NAV2: variants seen among roughly 807,000 people sequenced by gnomAD.
NAV2 encodes helicase, APC down-regulated 1.
In NAV2, 54 loss-of-function variants were observed where a neutral mutation model predicts 223.2. The ratio of observed to expected loss-of-function variants is 0.24; its 90% confidence interval spans 0.19 to 0.30. NAV2 has a LOEUF of 0.30. NAV2 is among the 10% of genes least tolerant of loss of function. The pLI, the probability that NAV2 is intolerant of heterozygous loss-of-function variation, is 1.00. For missense variants in NAV2, 2,806 were observed against 3,147.5 expected (o/e 0.89, Z 2.60); for synonymous variants, 1,279 against 1,239.3 (o/e 1.03, Z -0.67).
intron 1 of NAV2, among the ~76,000 whole-genome samples, chr11:19,391,085 C>T (rs1849229724): frequency 6.6e-6 from 1 of 152,154 alleles, no homozygotes; most frequent in Admixed American, 6.5e-5. Context: ...CCCAGCATTT[C>T]ATGGGAGTCA....
chr11:19,983,280 C>G (rs148224618), intron 10 of NAV2, among the ~76,000 whole-genome samples: 2 of 152,270 alleles, frequency 1.3e-5, no homozygotes, highest in African/African-American at 4.8e-5. Context: ...GGTTGGTAGA[C>G]AATCAGCCAT....
intron 1 of NAV2, among the ~76,000 whole-genome samples, chr11:19,692,371 T>A (rs2049202505): frequency 6.6e-6 from 1 of 152,242 alleles, no homozygotes; most frequent in Non-Finnish European, 1.5e-5. Context: ...CAAATGTATG[T>A]TTTTGCTTGC....
chr11:19,517,968 C>G (rs77743754), intron 1 of NAV2, among the ~76,000 whole-genome samples: 3,562 of 152,356 alleles, frequency 0.023, 149 homozygotes, highest in African/African-American at 0.082. Context: ...AACAACAAAA[C>G]TGTGCTTTGT....
At chr11:19,375,214 T>G (rs565341560) in intron 1 of NAV2, among the ~76,000 whole-genome samples, 1 of 152,308 alleles carries the variant, frequency 6.6e-6, no homozygotes. Flanking sequence ...TAGCTTTGAG[T>G]AGTTACAGTC....
intron 1 of NAV2, among the ~76,000 whole-genome samples, chr11:19,426,962 C>T (rs1850855247): frequency 6.6e-6 from 1 of 152,184 alleles, no homozygotes; most frequent in African/African-American, 2.4e-5. Flanking sequence ...TGGCACCTCT[C>T]TCACTGGAGA....
chr11:19,374,520 T>C (rs928224801), intron 1 of NAV2, among the ~76,000 whole-genome samples: 1 of 152,180 alleles, frequency 6.6e-6, no homozygotes, highest in Non-Finnish European at 1.5e-5. Context: ...TCACATACTT[T>C]AGCAGAAACT....
intron 11 of NAV2, among the ~76,000 whole-genome samples, chr11:19,991,069 T>C (rs1049486398): frequency 2.0e-5 from 3 of 152,192 alleles, no homozygotes; most frequent in Admixed American, 2.0e-4. Flanking sequence ...GAGGATCAAA[T>C]GAGGTGAATG....
chr11:19,490,353 AC>A (rs1364842132), intron 1 of NAV2, among the ~76,000 whole-genome samples: 1 of 152,212 alleles, frequency 6.6e-6, no homozygotes, highest in Non-Finnish European at 1.5e-5. Flanking sequence ...CATTTTACCC[AC>A]AGTAGAAATT....
chr11:19,952,963 A>G (rs1260048777), intron 10 of NAV2, among the ~76,000 whole-genome samples: 1 of 152,168 alleles, frequency 6.6e-6, no homozygotes, highest in African/African-American at 2.4e-5. Flanking sequence ...TATTGGATTG[A>G]TAAATTGGGC....
chr11:19,679,714 C>A (rs1459448699), intron 1 of NAV2, among the ~76,000 whole-genome samples: 1 of 152,224 alleles, frequency 6.6e-6, no homozygotes. Flanking sequence ...CACATCACAG[C>A]CCTTCCTTTT....
At chr11:19,402,775 G>A (rs1849740774) in intron 1 of NAV2, among the ~76,000 whole-genome samples, 1 of 152,226 alleles carries the variant, frequency 6.6e-6, no homozygotes, top group Non-Finnish European at 1.5e-5. Context: ...GCTCACTGTA[G>A]TTACCTCTGT....
At chr11:19,373,947 G>A (rs1564886080) in intron 1 of NAV2, among the ~76,000 whole-genome samples, 1 of 152,170 alleles carries the variant, frequency 6.6e-6, no homozygotes, top group African/African-American at 2.4e-5. Context: ...AGAAAAGGGG[G>A]AAATAGTTTT....
chr11:19,996,265 C>T (rs1385699798), intron 11 of NAV2, among the ~76,000 whole-genome samples: 1 of 152,212 alleles, frequency 6.6e-6, no homozygotes, highest in Non-Finnish European at 1.5e-5. Flanking sequence ...TTCCAAAAAG[C>T]AAACCTTGTT....
chr11:19,875,052 G>A (rs778969816), intron 4 of NAV2, among the ~76,000 whole-genome samples: 1 of 152,162 alleles, frequency 6.6e-6, no homozygotes, highest in Non-Finnish European at 1.5e-5. Context: ...AGCTACTCAG[G>A]AGGCTGACTC....
chr11:19,756,570 T>C (rs1216566929), intron 1 of NAV2, among the ~76,000 whole-genome samples: 1 of 152,238 alleles, frequency 6.6e-6, no homozygotes, highest in East Asian at 1.9e-4. Flanking sequence ...CCCAGCTCCC[T>C]ATGCCTTGTT....
intron 1 of NAV2, among the ~76,000 whole-genome samples, chr11:19,778,696 C>G (rs2056492980): frequency 6.6e-6 from 1 of 152,230 alleles, no homozygotes; most frequent in African/African-American, 2.4e-5. Flanking sequence ...CTTTAAGCTA[C>G]TATTTTACAA....
rs555744873 is a variant in NAV2 at position 20,080,100 on chromosome 11, G to T, written c.5216G>T (p.Arg1739Leu). Residue 1739 changes from arginine to leucine, a missense_variant, in exon 25 of 38, where the codon CGC becomes CTC. Transcript: ENST00000349880. ...GCCCAGTCTGCAGACCTCCGCATCCGCAGGCAGCACTCCTCAGACAGCGTC... is the reference window on the plus strand; with the variant it reads ...GCCCAGTCTGCAGACCTCCGCATCCTCAGGCAGCACTCCTCAGACAGCGTC... ...GTAQSADLRI[R>L]RQHSSDSVSS... The T allele has an allele frequency of 3.1e-6, 5 of 1,614,100 alleles. No homozygotes were observed. Among genetic ancestry groups the T allele is most frequent in the Non-Finnish European group, 3.4e-6 (4 of 1,180,010 alleles).
At chr11:19,839,408 G>A (rs2060400286) in intron 2 of NAV2, among the ~76,000 whole-genome samples, 1 of 152,154 alleles carries the variant, frequency 6.6e-6, no homozygotes, top group Non-Finnish European at 1.5e-5. Flanking sequence ...GAGGACTGGA[G>A]AAAAAGGGAG....
intron 10 of NAV2, among the ~76,000 whole-genome samples, chr11:19,957,000 C>T (rs1736103770): frequency 6.6e-6 from 1 of 152,194 alleles, no homozygotes; most frequent in African/African-American, 2.4e-5. Flanking sequence ...GCTCCTCTTA[C>T]CCCTATCAAG....
Sources: allele counts gnomAD v4.1 joint callset (sites outside exome capture counted in the v4.1 genomes callset), GRCh38; gene constraint gnomAD v4.1.1; transcripts MANE v1.5; gene names NCBI Gene and HGNC (gene_info 2026-07-23, HGNC 2026-07-21).